SPIN1: variants seen among roughly 807,000 people sequenced by gnomAD.
SPIN1 encodes spindlin 1, also known as spindlin-1.
SPIN1 carries 3 observed loss-of-function variants against 26.0 expected under a neutral mutation model. The observed-to-expected ratio is 0.12, with a 90% confidence interval of 0.05 to 0.30. SPIN1 has a LOEUF of 0.30. Ranked by LOEUF, SPIN1 falls within the 10% of genes least tolerant of loss-of-function variation. The pLI, the probability that SPIN1 is intolerant of heterozygous loss-of-function variation, is 1.00. For synonymous variants in SPIN1, 101 were observed against 116.5 expected (o/e 0.87, Z 0.86); for missense variants, 126 against 333.4 (o/e 0.38, Z 4.84).
chr9:88,431,067 TAG>T, intron 2 of SPIN1, among the ~76,000 whole-genome samples: 1 of 152,048 alleles, frequency 6.6e-6, no homozygotes, highest in Non-Finnish European at 1.5e-5. Context: ...GCATTTTTAG[TAG>T]AGACGGGGTT....
At chr9:88,391,739 AAG>A (rs1826924100) in intron 1 of SPIN1, 1 of 152,198 alleles carries the variant, frequency 6.6e-6, no homozygotes. Flanking sequence ...CTCTGAGCAG[AAG>A]AGAGGCCCGA....
chr9:88,458,601 C>T (rs769439340), intron 3 of SPIN1, among the ~76,000 whole-genome samples: 13 of 152,144 alleles, frequency 8.5e-5, no homozygotes, highest in Non-Finnish European at 1.9e-4. Flanking sequence ...ACGAAAAATT[C>T]TGCTGTCATA....
At chr9:88,406,662 C>T (rs904889248) in intron 1 of SPIN1, among the ~76,000 whole-genome samples, 1 of 152,168 alleles carries the variant, frequency 6.6e-6, no homozygotes, top group Non-Finnish European at 1.5e-5. Context: ...TGGCATTTGA[C>T]AAAGTAACTG....
At chr9:88,410,479 TTC>T in intron 1 of SPIN1, 1 of 725,006 alleles carries the variant, frequency 1.4e-6, no homozygotes, top group South Asian at 1.4e-5. Flanking sequence ...AACCTGTAGC[TTC>T]TCTGTCACTT....
rs1564049009 is a variant in SPIN1, at chr9:88,476,082, T to TG, written c.*805_*806insG. 7.2e-6 allele frequency: 1 copy of TG among 138,222 alleles called. No homozygotes were observed. The highest frequency in any genetic ancestry group is 1.5e-5 in the Non-Finnish European group (1 of 67,380). The allele number at this position is 138,222 out of a possible 1,614,324, so 8.6% of individuals were successfully genotyped here. ...CTTTAATTCTAAGCTTCATTTTTTT[T>TG]TGGGGGGGGGTTACATTTTAATCAT... On this transcript the variant is annotated 3_prime_UTR_variant, in exon 6 of 6. Transcript: ENST00000375859.
intron 2 of SPIN1, among the ~76,000 whole-genome samples, chr9:88,433,308 C>T (rs1365472435): frequency 6.6e-6 from 1 of 152,182 alleles, no homozygotes; most frequent in Non-Finnish European, 1.5e-5. Context: ...GTCTTGAACT[C>T]ATGAGCTCAA....
chr9:88,442,474 GCTCACTGCAAC>G (rs1828156130), intron 2 of SPIN1, among the ~76,000 whole-genome samples: 1 of 150,590 alleles, frequency 6.6e-6, no homozygotes, highest in African/African-American at 2.5e-5. Flanking sequence ...CCTGATTTCA[GCTCACTGCAAC>G]CTCTGCCTCC....
intron 4 of SPIN1, 111 bp from the exon 5 acceptor site, chr9:88,468,261 A>G (rs1268326917): frequency 2.8e-6 from 2 of 708,736 alleles, no homozygotes; most frequent in East Asian, 5.9e-5. Flanking sequence ...GCTTGCTAAT[A>G]CGTTGCATGG....
intron 1 of SPIN1, among the ~76,000 whole-genome samples, chr9:88,397,455 C>T (rs1375729597): frequency 2.0e-5 from 3 of 152,070 alleles, no homozygotes; most frequent in East Asian, 1.9e-4. Context: ...TGTTCTTTTC[C>T]TCTGCCTGGA....
intron 2 of SPIN1, among the ~76,000 whole-genome samples, chr9:88,427,901 A>G (rs916865519): frequency 6.6e-6 from 1 of 152,170 alleles, no homozygotes; most frequent in Non-Finnish European, 1.5e-5. Context: ...GCCTGGCCAA[A>G]AAATGGGACT....
intron 1 of SPIN1, among the ~76,000 whole-genome samples, chr9:88,399,027 C>CTTA (rs1368013835): frequency 6.7e-6 from 1 of 150,152 alleles, no homozygotes; most frequent in African/African-American, 2.5e-5. Flanking sequence ...GAGGAGCTGG[C>CTTA]TTAAGCAGTT....
chr9:88,411,474 A>T, intron 1 of SPIN1: 1 of 1,067,870 alleles, frequency 9.4e-7, no homozygotes, highest in Admixed American at 2.2e-5. Context: ...GATGGCATGG[A>T]GAAGAGAGAC....
At chr9:88,420,803 G>A (rs370339424) in intron 1 of SPIN1, among the ~76,000 whole-genome samples, 5 of 152,296 alleles carry the variant, frequency 3.3e-5, no homozygotes, top group African/African-American at 1.2e-4. Context: ...GAGGACTAAA[G>A]CTGCCTGTCA....
intron 1 of SPIN1, among the ~76,000 whole-genome samples, chr9:88,420,888 A>G (rs1260289099): frequency 1.3e-5 from 2 of 152,176 alleles, no homozygotes; most frequent in Non-Finnish European, 1.5e-5. Flanking sequence ...TTTGATTTTG[A>G]ATTATTTTCA....
At chr9:88,443,400 C>T (rs1309477863) in intron 2 of SPIN1, among the ~76,000 whole-genome samples, 1 of 152,118 alleles carries the variant, frequency 6.6e-6, no homozygotes, top group Non-Finnish European at 1.5e-5. Flanking sequence ...TTATCTGTAG[C>T]TTTTTTTGAT....
intron 2 of SPIN1, among the ~76,000 whole-genome samples, chr9:88,437,657 C>T (rs1313786048): frequency 6.6e-6 from 1 of 152,136 alleles, no homozygotes. Context: ...CAAGAAATTG[C>T]CAAACTGTCT....
Position 88,468,671 on chromosome 9 carries a change from TTTGA to T in SPIN1, c.589+70_589+73del, listed in dbSNP as rs1309155868. ...GGGATTTGGACTTCAGTACAAGATA[TTTGA>T]TTGGCTCTTTTGCAGATACATTTTT... On this transcript the variant is annotated intron_variant, in intron 5 of 5. Coordinates refer to ENST00000375859, the MANE Select transcript of SPIN1 (RefSeq NM_006717.3). 2.6e-5 allele frequency: 26 copies of T among 993,800 alleles called. No homozygotes were observed. In the Admixed American group the frequency reaches 7.9e-4, roughly 30 times the overall value. 61.6% of individuals were successfully genotyped at this position (993,800 alleles called of 1,614,324 possible). A position where few individuals can be genotyped will look rare whatever the true frequency, so the allele number is the denominator to read the frequency against.
Position 88,433,988 on chromosome 9 carries a change from GTC to G in SPIN1, c.52+7400_52+7401del, listed in dbSNP as rs142184158. ...GAGGACCTCCTTTACGCTGTGTAAA[GTC>G]TCAGTTTCCAAGAACCTATCGATAG... On this transcript the variant is annotated intron_variant, in intron 2 of 5. Coordinates refer to ENST00000375859, the MANE Select transcript of SPIN1 (RefSeq NM_006717.3). Among the ~76,000 whole-genome samples the G allele has an allele frequency of 7.3e-3, 1,113 of 152,082 alleles. 12 individuals are homozygous for G. Among genetic ancestry groups the G allele is most frequent in the African/African-American group, 0.025 (1,042 of 41,508 alleles).
At chr9:88,400,114 G>A (rs1281081481) in intron 1 of SPIN1, among the ~76,000 whole-genome samples, 1 of 152,114 alleles carries the variant, frequency 6.6e-6, no homozygotes, top group Non-Finnish European at 1.5e-5. Flanking sequence ...GCCTCCCTTT[G>A]GGTAGTTGCC....
Sources: allele counts gnomAD v4.1 joint callset (sites outside exome capture counted in the v4.1 genomes callset), GRCh38; gene constraint gnomAD v4.1.1; transcripts MANE v1.5; gene names NCBI Gene and HGNC (gene_info 2026-07-23, HGNC 2026-07-21).